Variants in TMTC4 observed in about 807,000 individuals in gnomAD.
TMTC4 encodes transmembrane O-mannosyltransferase targeting cadherins 4, also known as protein O-mannosyl-transferase TMTC4.
In TMTC4, 65 loss-of-function variants were observed where a neutral mutation model predicts 86.0. That is an observed-to-expected ratio of 0.76 (90% confidence interval 0.62 to 0.93). TMTC4 has a LOEUF of 0.93. Among genes scored for constraint, TMTC4 ranks in the 40% least tolerant of loss-of-function variants. The pLI is 0.00. For missense variants in TMTC4, 866 were observed against 948.1 expected (o/e 0.91, Z 1.14); for synonymous variants, 379 against 382.5 (o/e 0.99, Z 0.11).
intron 6 of TMTC4, among the ~76,000 whole-genome samples, chr13:100,646,259 A>G (rs1055267464): frequency 6.6e-6 from 1 of 152,182 alleles, no homozygotes. Flanking sequence ...GAGCAACTAA[A>G]AATTGTTCTG....
At chr13:100,673,984 C>T (rs1402480287) in intron 1 of TMTC4, 1 of 975,970 alleles carries the variant, frequency 1.0e-6, no homozygotes, top group Non-Finnish European at 1.2e-6. Context: ...CTAGATCGTT[C>T]CTCTAACTCC....
chr13:100,658,134 G>A (rs967940219), intron 5 of TMTC4, among the ~76,000 whole-genome samples: 1 of 152,176 alleles, frequency 6.6e-6, no homozygotes, highest in Non-Finnish European at 1.5e-5. Flanking sequence ...AATACTCAGG[G>A]CTGGAAACTC....
At chr13:100,648,331 A>C (rs1272739895) in intron 6 of TMTC4, among the ~76,000 whole-genome samples, 4 of 151,826 alleles carry the variant, frequency 2.6e-5, no homozygotes, top group Non-Finnish European at 5.9e-5. Flanking sequence ...CTTAGTATGA[A>C]AAAAAAAATG....
chr13:100,644,419 C>T (rs1319235293), intron 6 of TMTC4, among the ~76,000 whole-genome samples: 2 of 152,008 alleles, frequency 1.3e-5, no homozygotes, highest in Non-Finnish European at 2.9e-5. Flanking sequence ...CGCTCTTCAC[C>T]TCAAATGCTC....
At chr13:100,616,212 G>GT (rs956102253) in intron 15 of TMTC4, among the ~76,000 whole-genome samples, 18 of 150,882 alleles carry the variant, frequency 1.2e-4, no homozygotes, top group Admixed American at 6.6e-4. Context: ...GCATGTTTTG[G>GT]TTTTTTTTTG....
At chr13:100,662,072 C>A (rs747856940) in intron 5 of TMTC4, among the ~76,000 whole-genome samples, 1 of 152,004 alleles carries the variant, frequency 6.6e-6, no homozygotes. Context: ...TCCAAACACA[C>A]AGAGGCAGCG....
intron 4 of TMTC4, 91 bp downstream of exon 4, chr13:100,664,130 G>T: frequency 8.6e-7 from 1 of 1,164,746 alleles, no homozygotes; most frequent in Non-Finnish European, 1.2e-6. Context: ...CTAGACTCCT[G>T]AATGCTGAGA....
chr13:100,625,820 T>C lies in TMTC4; in HGVS notation c.1659A>G (p.Glu553=), dbSNP rs117990802. 1.5e-3 allele frequency: 2,453 copies of C among 1,613,834 alleles called. 36 individuals carry two copies. In the East Asian group the frequency reaches 0.02, roughly 13 times the overall value. ...CAGCCAAAGACAGCAGCTCCTCAGC[T>C]TCCTGTAGCTCATTCCTTTCTTTTA... ...NILKERNELQ[E]AEELLSLAVQ... is the part of the protein sequence containing the mutation. The change falls in exon 14 of 19, where the codon GAA becomes GAG. Residue 553 remains glutamate (E), a synonymous_variant. Coordinates refer to ENST00000342624, the MANE Select transcript of TMTC4 (RefSeq NM_032813.5).
At chr13:100,656,542 C>CTTTTTTTTT (rs35563246) in intron 5 of TMTC4, 74 bp from the exon 6 acceptor site, 230 of 385,834 alleles carry the variant, frequency 6.0e-4, no homozygotes, top group Middle Eastern at 2.1e-3. Context: ...GGAGACATAA[C>CTTTTTTTTT]TTTTTTTTTT....
intron 12 of TMTC4, among the ~76,000 whole-genome samples, chr13:100,628,900 G>A (rs1454448923): frequency 6.6e-6 from 1 of 152,210 alleles, no homozygotes; most frequent in Admixed American, 6.5e-5. Flanking sequence ...TGTAATCCTA[G>A]TACTGCAGGA....
At chr13:100,621,835 C>A (rs1270998998) in intron 15 of TMTC4, among the ~76,000 whole-genome samples, 1 of 152,140 alleles carries the variant, frequency 6.6e-6, no homozygotes, top group Non-Finnish European at 1.5e-5. Flanking sequence ...TCATAACCAC[C>A]CAAATGCATG....
At chr13:100,660,613 C>T (rs546815721) in intron 5 of TMTC4, among the ~76,000 whole-genome samples, 3 of 151,956 alleles carry the variant, frequency 2.0e-5, no homozygotes, top group African/African-American at 4.8e-5. Flanking sequence ...CGCCTGCCAC[C>T]CATTTCCTTG....
In TMTC4 at chr13:100,637,569, G is replaced by C; in HGVS notation, c.968C>G (p.Pro323Arg). ...GPPAFTEVDN[P>R]ASFADSMLVR... ...CAGCATGCTGTCAGCAAAGGAGGCCGGGTTGTCCACCTCGGTGAAGGCCGG... is the reference window on the plus strand; with the variant it reads ...CAGCATGCTGTCAGCAAAGGAGGCCCGGTTGTCCACCTCGGTGAAGGCCGG... Residue 323 changes from proline (P) to arginine (R), a missense_variant, in exon 9 of 19, where the codon CCG (proline) becomes CGG (arginine). Transcript: ENST00000342624. The C allele has an allele frequency of 6.2e-7, 1 of 1,614,056 alleles. No homozygotes were observed. The highest frequency in any genetic ancestry group is 8.5e-7 in the Non-Finnish European group (1 of 1,179,996).
At chr13:100,675,055 G>A, upstream of TMTC4, 7 of 985,742 alleles carry the variant, frequency 7.1e-6, no homozygotes, top group Non-Finnish European at 8.4e-6. Flanking sequence ...AGGAGGCGCA[G>A]GGACAGACGG....
chr13:100,616,321 G>C (rs1475289025), intron 15 of TMTC4, among the ~76,000 whole-genome samples: 1 of 152,044 alleles, frequency 6.6e-6, no homozygotes, highest in African/African-American at 2.4e-5. Context: ...TTCTGCCTCA[G>C]CCTCCCAAGT....
chr13:100,614,278 G>T, intron 16 of TMTC4, 38 bp downstream of exon 16: 1 of 1,477,376 alleles, frequency 6.8e-7, no homozygotes, highest in Non-Finnish European at 9.4e-7. Context: ...TTACTGTGGA[G>T]CCATTTCCTG....
intron 2 of TMTC4, among the ~76,000 whole-genome samples, chr13:100,669,827 A>C (rs1886867224): frequency 6.6e-6 from 1 of 152,130 alleles, no homozygotes; most frequent in African/African-American, 2.4e-5. Flanking sequence ...CTTTGGATTT[A>C]CCAGGATCAG....
intron 1 of TMTC4, among the ~76,000 whole-genome samples, chr13:100,671,763 C>T (rs1237020616): frequency 4.6e-5 from 7 of 152,052 alleles, no homozygotes; most frequent in Admixed American, 4.6e-4. Flanking sequence ...TCTCCAAGGC[C>T]TCCCACTTCT....
chr13:100,607,184 T>G (rs1337854025), intron 17 of TMTC4, among the ~76,000 whole-genome samples: 3 of 152,150 alleles, frequency 2.0e-5, no homozygotes, highest in Non-Finnish European at 2.9e-5. Flanking sequence ...CGCTGTTCAC[T>G]CCATCCACCT....
Sources: allele counts gnomAD v4.1 joint callset (sites outside exome capture counted in the v4.1 genomes callset), GRCh38; gene constraint gnomAD v4.1.1; transcripts MANE v1.5; gene names NCBI Gene and HGNC (gene_info 2026-07-23, HGNC 2026-07-21).